Variants in LRIF1 observed in about 807,000 individuals in gnomAD.
LRIF1 encodes ligand-dependent nuclear receptor-interacting factor 1.
In LRIF1, 32 loss-of-function variants were observed where a neutral mutation model predicts 52.7. The ratio of observed to expected loss-of-function variants is 0.61; its 90% CI spans 0.46 to 0.82. LRIF1 has a LOEUF of 0.82. LRIF1 is among the 40% of genes least tolerant of loss of function. The probability of loss-of-function intolerance (pLI) is 0.00; values close to 1 mark genes in which losing one functional copy is unlikely to be tolerated. For missense variants in LRIF1, 887 were observed against 892.0 expected, an observed-to-expected ratio of 0.99 and a Z score of 0.07; for synonymous variants, 323 against 317.4, an observed-to-expected ratio of 1.02 and a Z score of -0.19.
the LRIF1 span, among the ~76,000 whole-genome samples, chr1:110,901,002 A>G: frequency 6.6e-6 from 1 of 152,192 alleles, no homozygotes; most frequent in Non-Finnish European, 1.5e-5. Flanking sequence ...GGAATAGAGA[A>G]AAACTGGTTT....
At chr1:110,918,425 C>T in the LRIF1 span, among the ~76,000 whole-genome samples, 1 of 151,976 alleles carries the variant, frequency 6.6e-6, no homozygotes, top group East Asian at 1.9e-4. Flanking sequence ...AAAAATGTAT[C>T]ATAGTTGATA....
At chr1:110,875,347 T>C in the LRIF1 span, among the ~76,000 whole-genome samples, 2 of 152,128 alleles carry the variant, frequency 1.3e-5, no homozygotes, top group African/African-American at 4.8e-5. Flanking sequence ...CAGCTCTGGG[T>C]GGGGCTATGC....
downstream of LRIF1, among the ~76,000 whole-genome samples, chr1:110,942,737 A>G (rs1379682867): frequency 6.6e-6 from 1 of 152,160 alleles, no homozygotes; most frequent in African/African-American, 2.4e-5. Context: ...ATTTATCATT[A>G]ACTAAGATAC....
chr1:110,899,078 T>C, the LRIF1 span: 1 of 1,451,900 alleles, frequency 6.9e-7, no homozygotes, highest in Non-Finnish European at 9.7e-7. Flanking sequence ...GTGAAAGAAA[T>C]GGCTTTTCTT....
At position 110,951,835 on chromosome 1, in the gene LRIF1, A is replaced by C; in HGVS notation, c.1049T>G (p.Met350Arg). The change falls in exon 2 of 4, where the codon ATG (methionine) becomes AGG (arginine). Residue 350 changes from methionine to arginine, a missense_variant. Transcript: ENST00000369763. Reference protein sequence around the residue: ...IDPSGTRSKNMPIKDNALVMF... With the variant: ...IDPSGTRSKNRPIKDNALVMF... ...AACCAAAGCATTATCTTTAATAGGC[A>C]TATTTTTGGATCGCGTCCCACTAGG... The C allele has an allele frequency of 1.2e-6, 2 of 1,613,072 alleles. No individual in the cohort carries two copies. The highest frequency in any genetic ancestry group is 1.7e-6 in the Non-Finnish European group (2 of 1,180,026).
the LRIF1 span, among the ~76,000 whole-genome samples, chr1:110,919,921 T>C: frequency 6.6e-6 from 1 of 152,140 alleles, no homozygotes; most frequent in African/African-American, 2.4e-5. Flanking sequence ...AAAGAAGATA[T>C]ACAGATGACA....
chr1:110,950,048 T>C lies in LRIF1; in HGVS notation c.1672A>G (p.Ser558Gly). 6.2e-7 allele frequency: 1 copy of C among 1,614,020 alleles called. No homozygotes were observed. The highest frequency in any genetic ancestry group is 8.5e-7 in the Non-Finnish European group (1 of 1,179,916). The change falls in exon 3 of 4, where the codon AGT becomes GGT. Residue 558 changes from serine to glycine, a missense_variant. Transcript: ENST00000369763. ...CTCTTCAGATGTAATGCCTTATTAC[T>C]TCTTCCTTGAGAATCTTTCTTGTCA... ...RNDKKDSQGR[S>G]NKALHLKSDA...
At chr1:110,886,947 A>G in the LRIF1 span, among the ~76,000 whole-genome samples, 2 of 149,432 alleles carry the variant, frequency 1.3e-5, no homozygotes, top group Non-Finnish European at 3.0e-5. Flanking sequence ...TTCTTCAGCA[A>G]TATCTAATCT....
the LRIF1 span, among the ~76,000 whole-genome samples, chr1:110,910,579 C>A: frequency 9.9e-5 from 15 of 152,064 alleles, no homozygotes; most frequent in Admixed American, 9.8e-4. Context: ...CCAGCCTGGG[C>A]AACAGAGTGA....
the LRIF1 span, among the ~76,000 whole-genome samples, chr1:110,934,711 A>T: frequency 6.6e-6 from 1 of 152,058 alleles, no homozygotes; most frequent in Non-Finnish European, 1.5e-5. Flanking sequence ...AAGGTTTTTT[A>T]CCCTAGTCCC....
chr1:110,881,308 G>T, the LRIF1 span, among the ~76,000 whole-genome samples: 8 of 150,896 alleles, frequency 5.3e-5, no homozygotes, highest in African/African-American at 1.7e-4. Context: ...TGTTGCTATA[G>T]ATTAGTTTTC....
At chr1:110,905,855 TA>T in the LRIF1 span, among the ~76,000 whole-genome samples, 1 of 152,122 alleles carries the variant, frequency 6.6e-6, no homozygotes, top group East Asian at 1.9e-4. Context: ...TACAATAAGA[TA>T]TAAGTAAAAA....
intron 1 of LRIF1, among the ~76,000 whole-genome samples, chr1:110,957,136 T>A (rs752971284): frequency 1.3e-5 from 2 of 151,960 alleles, no homozygotes; most frequent in Non-Finnish European, 2.9e-5. Context: ...GACCCTGTTT[T>A]TCTCCTTCAA....
the LRIF1 span, among the ~76,000 whole-genome samples, chr1:110,919,555 T>C: frequency 1.3e-5 from 2 of 152,166 alleles, no homozygotes; most frequent in African/African-American, 4.8e-5. Flanking sequence ...TCCTATTAGT[T>C]CCGTCCCTCT....
intron 1 of LRIF1, among the ~76,000 whole-genome samples, chr1:110,956,136 T>C (rs1658689310): frequency 6.6e-6 from 1 of 152,148 alleles, no homozygotes; most frequent in South Asian, 2.1e-4. Context: ...ATGGAAAGAT[T>C]TGAGGATAAT....
chr1:110,963,404 A>T (rs1553212309), intron 1 of LRIF1: 1 of 361,716 alleles, frequency 2.8e-6, no homozygotes, highest in Non-Finnish European at 5.2e-6. Context: ...GGTCCCGCGG[A>T]GCCGCTGTGT....
chr1:110,892,910 T>C, the LRIF1 span: 1 of 179,262 alleles, frequency 5.6e-6, no homozygotes, highest in Admixed American at 5.4e-5. Context: ...TGACTGAGAG[T>C]CGCTAACTAA....
chr1:110,959,736 C>CAAAAAAA (rs11320169), intron 1 of LRIF1, among the ~76,000 whole-genome samples: 8 of 56,332 alleles, frequency 1.4e-4, no homozygotes, highest in Non-Finnish European at 1.7e-4. Context: ...GACTCCATCT[C>CAAAAAAA]AAAAAAAAAA....
At chr1:110,901,237 G>C in the LRIF1 span, among the ~76,000 whole-genome samples, 1 of 151,826 alleles carries the variant, frequency 6.6e-6, no homozygotes, top group South Asian at 2.1e-4. Flanking sequence ...GAGTACAGTG[G>C]TGCAATCTTG....
Sources: gnomAD v4.1 joint callset for allele counts (sites outside exome capture counted in the v4.1 genomes callset) on GRCh38, gnomAD v4.1.1 for gene constraint, MANE v1.5 for transcripts, NCBI Gene and HGNC (gene_info 2026-07-23, HGNC 2026-07-21) for gene names.